Variants in IL5RA observed in about 807,000 individuals in gnomAD.
IL5RA encodes the protein interleukin-5 receptor subunit alpha.
Under a neutral mutation model 50.0 loss-of-function variants are expected in IL5RA, and 49 were observed. The observed-to-expected ratio is 0.98, with a 90% CI of 0.78 to 1.24. The LOEUF (loss-of-function observed/expected upper bound fraction) is 1.24. IL5RA is among the 50% of genes most tolerant of loss of function. The probability of loss-of-function intolerance (pLI) is 0.00; values close to 1 mark genes in which losing one functional copy is unlikely to be tolerated. For missense variants in IL5RA, 600 were observed against 500.4 expected (o/e 1.20, Z -1.90); for synonymous variants, 202 against 174.0 (o/e 1.16, Z -1.26).
intron 9 of IL5RA, among the ~76,000 whole-genome samples, chr3:3,079,136 G>A (rs1033511445): frequency 1.3e-5 from 2 of 152,008 alleles, no homozygotes; most frequent in East Asian, 1.9e-4. Flanking sequence ...TTCCACTGTG[G>A]CCTATTCTTT....
chr3:3,071,595 G>GTGTGTGTGT, intron 11 of IL5RA, among the ~76,000 whole-genome samples: 1 of 100,526 alleles, frequency 9.9e-6, no homozygotes, highest in African/African-American at 3.9e-5. Context: ...GTGTGTGTGT[G>GTGTGTGTGT]TATTTTTTTT....
At chr3:3,070,451 GGAA>G (rs1385632666) in intron 11 of IL5RA, 140 bp from the exon 12 acceptor site, 8 of 604,640 alleles carry the variant, frequency 1.3e-5, no homozygotes, top group Admixed American at 6.3e-5. Context: ...AAATAAAGTG[GGAA>G]GAAGAAGAAA....
chr3:3,072,081 A>G (rs963013672), intron 11 of IL5RA, among the ~76,000 whole-genome samples: 5 of 152,190 alleles, frequency 3.3e-5, no homozygotes, highest in East Asian at 1.9e-4. Context: ...CATAGCACCA[A>G]TGTGCCCTCT....
At chr3:3,094,417 C>G (rs991276704) in intron 8 of IL5RA, among the ~76,000 whole-genome samples, 1 of 152,190 alleles carries the variant, frequency 6.6e-6, no homozygotes, top group Non-Finnish European at 1.5e-5. Context: ...CAAGGCTCCT[C>G]CATGTGGTAG....
chr3:3,085,072 G>A (rs1702801832), intron 9 of IL5RA, among the ~76,000 whole-genome samples: 1 of 152,252 alleles, frequency 6.6e-6, no homozygotes, highest in South Asian at 2.1e-4. Context: ...GATGACCACA[G>A]GCGTGAGGCA....
At position 3,070,011 on chromosome 3, in the gene IL5RA, A is replaced by T. The variant is rs1323127736; in HGVS notation, c.*214T>A. 2 of 484,616 alleles carry T rather than the reference A, an allele frequency of 4.1e-6. No individual in the cohort carries two copies. The highest frequency in any genetic ancestry group is 7.4e-6 in the Non-Finnish European group (2 of 269,864). 30.0% of individuals were successfully genotyped at this position (484,616 alleles called of 1,614,324 possible). ...AGAAAAAACATGGCAAAATGCTTGG[A>T]TGAGTCAACTTCCCTGCTGTAGGTG... On this transcript the variant is annotated 3_prime_UTR_variant, in exon 12 of 12. Coordinates refer to ENST00000446632, the MANE Select transcript of IL5RA (RefSeq NM_175726.4).
chr3:3,102,014 C>T (rs545173942), intron 4 of IL5RA, among the ~76,000 whole-genome samples, 184 bp from the exon 5 acceptor site: 15 of 152,282 alleles, frequency 9.9e-5, no homozygotes, highest in African/African-American at 2.6e-4. Flanking sequence ...CTCAATGACA[C>T]ATGAACGCAT....
In IL5RA at chr3:3,104,865, A is replaced by T. The variant is rs770274782; in HGVS notation, c.82+38T>A. On this transcript the variant is annotated intron_variant, in intron 3 of 11. Transcript: ENST00000446632. Reference sequence around the variant, plus strand: ...GTTATCCTTTTACTAACATATTTTTAAAAATAAACATTATTGAATTGAATA... The same window carrying T: ...GTTATCCTTTTACTAACATATTTTTTAAAATAAACATTATTGAATTGAATA... 7.9e-6 allele frequency: 10 copies of T among 1,272,394 alleles called. No homozygotes were observed. The African/African-American group carries it at 1.0e-4, about 13-fold the overall frequency. The allele number at this position is 1,272,394 out of a possible 1,614,324, so 78.8% of individuals were successfully genotyped here. A position where few individuals can be genotyped will look rare whatever the true frequency, so the allele number is the denominator to read the frequency against.
chr3:3,075,790 C>T (rs567080701), intron 10 of IL5RA, among the ~76,000 whole-genome samples: 7 of 151,892 alleles, frequency 4.6e-5, no homozygotes, highest in Admixed American at 6.6e-5. Flanking sequence ...TTAGTAGAGA[C>T]GGGGTTTCAC....
rs571382125 is a variant in IL5RA at position 3,091,531 on chromosome 3, A to T, written c.994+693T>A. ...TGGATCACCTGAAGTCAGGAGTTCG[A>T]GACCAGCCTGACCAACGTGGTGAAA... On this transcript the variant is annotated intron_variant, in intron 9 of 11. Coordinates refer to ENST00000446632, the MANE Select transcript of IL5RA (RefSeq NM_175726.4). 3.9e-5 allele frequency among the ~76,000 whole-genome samples: 6 copies of T among 152,330 alleles called. No homozygotes were observed. The South Asian group carries it at 1.2e-3, about 32-fold the overall frequency.
intron 9 of IL5RA, among the ~76,000 whole-genome samples, chr3:3,080,736 C>T (rs1189315743): frequency 6.6e-6 from 1 of 152,134 alleles, no homozygotes; most frequent in African/African-American, 2.4e-5. Context: ...GCTGTATCAC[C>T]CAGGCTGGAG....
chr3:3,100,986 T>C (rs1703620996), intron 5 of IL5RA, among the ~76,000 whole-genome samples: 2 of 70,402 alleles, frequency 2.8e-5, no homozygotes, highest in South Asian at 8.1e-4. Flanking sequence ...ATCTCAATAA[T>C]AATAATAATA....
intron 11 of IL5RA, among the ~76,000 whole-genome samples, chr3:3,071,378 C>T (rs540180151): frequency 2.0e-5 from 3 of 152,328 alleles, no homozygotes; most frequent in African/African-American, 7.2e-5. Flanking sequence ...AATCCCAACA[C>T]TTTGGGAGGC....
Position 3,074,968 on chromosome 3 carries a change from T to C in IL5RA, c.1092-102A>G. ...CCTGGTTGATTCTAGAACCTGCTGT[T>C]TTGTAAATTCAAAATCTTTACGTAC... is the stretch of plus-strand genomic sequence containing the variant. On this transcript the variant is annotated intron_variant, in intron 10 of 11. Coordinates refer to ENST00000446632, the MANE Select transcript of IL5RA (RefSeq NM_175726.4). 5.6e-6 allele frequency: 4 copies of C among 716,660 alleles called. No individual in the cohort carries two copies. In the South Asian group the frequency reaches 6.9e-5, roughly 12 times the overall value. The allele number at this position is 716,660 out of a possible 1,614,324, so 44.4% of individuals were successfully genotyped here. A position where few individuals can be genotyped will look rare whatever the true frequency, so the allele number is the denominator to read the frequency against.
intron 10 of IL5RA, among the ~76,000 whole-genome samples, chr3:3,075,572 T>C (rs1370560920): frequency 1.3e-5 from 2 of 151,522 alleles, no homozygotes; most frequent in Non-Finnish European, 2.9e-5. Flanking sequence ...GAATATAACG[T>C]TTATAATAGT....
At chr3:3,084,813 T>C (rs1224625568) in intron 9 of IL5RA, among the ~76,000 whole-genome samples, 5 of 152,236 alleles carry the variant, frequency 3.3e-5, no homozygotes, top group African/African-American at 1.2e-4. Context: ...ACCTGTGTGA[T>C]TAGGAAATCA....
rs780730664 is a variant in IL5RA at position 3,098,207 on chromosome 3, C to G, written c.451G>C (p.Val151Leu). Residue 151 changes from valine to leucine, a missense_variant, in exon 6 of 12, where the codon GTT becomes CTT. Physicochemically the swap from Val to Leu is conservative, Grantham distance 32. Transcript: ENST00000446632. ...ACAAGCCAGGTGCAGTGAAGGGAAA[C>G]TTGGTATGACCTTAAACGTGAATAA... The part of the protein sequence containing the change: ...DNYSRLRSYQ[V>L]SLHCTWLVGT... 6.2e-7 allele frequency: 1 copy of G among 1,613,986 alleles called. No homozygotes were observed. The highest frequency in any genetic ancestry group is 8.5e-7 in the Non-Finnish European group (1 of 1,180,000).
chr3:3,086,150 A>G (rs2125964899), intron 9 of IL5RA, among the ~76,000 whole-genome samples: 1 of 152,352 alleles, frequency 6.6e-6, no homozygotes, highest in South Asian at 2.1e-4. Context: ...CAGTTCTCAG[A>G]ACCACTGATC....
chr3:3,081,767 A>G (rs1462246276), intron 9 of IL5RA, among the ~76,000 whole-genome samples: 1 of 152,222 alleles, frequency 6.6e-6, no homozygotes, highest in African/African-American at 2.4e-5. Flanking sequence ...TCATTAAATG[A>G]AAAAAAGTTA....
Sources: allele counts gnomAD v4.1 joint callset (sites outside exome capture counted in the v4.1 genomes callset), GRCh38; gene constraint gnomAD v4.1.1; transcripts MANE v1.5; gene names NCBI Gene and HGNC (gene_info 2026-07-23, HGNC 2026-07-21).